ZNF507: variants seen among roughly 807,000 people sequenced by gnomAD.
The protein encoded by ZNF507 is zinc finger protein 507.
ZNF507 carries 29 observed loss-of-function variants against 80.0 expected under a neutral mutation model. The observed-to-expected ratio is 0.36, with a 90% CI of 0.27 to 0.49. The LOEUF is 0.49. Ranked by LOEUF, ZNF507 falls within the 20% of genes least tolerant of loss-of-function variation. ZNF507 has a pLI of 0.98. For synonymous variants in ZNF507, 462 were observed against 422.5 expected, an observed-to-expected ratio of 1.09 and a Z score of -1.15; for missense variants, 1,081 against 1,152.2, an observed-to-expected ratio of 0.94 and a Z score of 0.90.
At chr19:32,379,356 T>C (rs1363647774) in intron 5 of ZNF507, among the ~76,000 whole-genome samples, 1 of 152,226 alleles carries the variant, frequency 6.6e-6, no homozygotes, top group Non-Finnish European at 1.5e-5. Flanking sequence ...GATTTTGTTT[T>C]ATTATGCCAG....
At chr19:32,346,235 G>T (rs1599541505) in intron 1 of ZNF507, among the ~76,000 whole-genome samples, 2 of 152,234 alleles carry the variant, frequency 1.3e-5, no homozygotes, top group East Asian at 3.9e-4. Flanking sequence ...CAGAAACGCA[G>T]CCCTGGTCTT....
intron 5 of ZNF507, among the ~76,000 whole-genome samples, chr19:32,377,214 G>GT (rs1431569320): frequency 1.3e-5 from 2 of 152,140 alleles, no homozygotes; most frequent in African/African-American, 4.8e-5. Context: ...AGTAGCGAGT[G>GT]TTTTTCCTTG....
chr19:32,357,270 G>A (rs546859901), intron 4 of ZNF507: 1 of 152,162 alleles, frequency 6.6e-6, no homozygotes, highest in African/African-American at 2.4e-5. Context: ...CGAGTTTCTG[G>A]TAATAAGAAT....
chr19:32,360,584 C>T lies in ZNF507; in HGVS notation c.2326C>T (p.His776Tyr). 6.2e-7 allele frequency: 1 copy of T among 1,602,658 alleles called. No individual in the cohort carries two copies. Among genetic ancestry groups the T allele is most frequent in the Non-Finnish European group, 8.5e-7 (1 of 1,174,450 alleles). Residue 776 changes from histidine (H) to tyrosine (Y), a missense_variant, in exon 5 of 7, where the codon CAC (histidine) becomes TAC (tyrosine). Physicochemically the swap from His to Tyr is moderately conservative, Grantham distance 83. Around this residue, in one of 6 missense-constraint regions of ZNF507, gnomAD observed 40 missense variants for 52.4 expected, o/e 0.76. Coordinates refer to ENST00000355898, the MANE Select transcript of ZNF507 (RefSeq NM_001136156.2). ...TSTTYVGVRNHRRIHNSDKPY... is the reference protein window; with the variant it reads ...TSTTYVGVRNYRRIHNSDKPY... The stretch of plus-strand genomic sequence containing the variant: ...TACAACATATGTTGGTGTCAGAAAC[C>T]ACAGGCGAATCCATAACTCTGATAA...
At chr19:32,371,109 A>G (rs114445751) in intron 5 of ZNF507, among the ~76,000 whole-genome samples, 1,792 of 152,238 alleles carry the variant, frequency 0.012, 41 homozygotes, top group African/African-American at 0.039. Flanking sequence ...TGCCCTTACC[A>G]TACTGTCAAA....
chr19:32,358,022 A>C (rs560570241), intron 4 of ZNF507: 5 of 152,348 alleles, frequency 3.3e-5, no homozygotes, highest in Non-Finnish European at 7.3e-5. Flanking sequence ...TTCAGACTTT[A>C]CAGTATTAAT....
chr19:32,375,567 C>T (rs1334924004), intron 5 of ZNF507, among the ~76,000 whole-genome samples: 1 of 152,172 alleles, frequency 6.6e-6, no homozygotes, highest in Non-Finnish European at 1.5e-5. Flanking sequence ...AAGAGACTTA[C>T]CAACCAAATA....
chr19:32,370,701 A>G (rs1967459024), intron 5 of ZNF507, among the ~76,000 whole-genome samples: 1 of 151,730 alleles, frequency 6.6e-6, no homozygotes, highest in African/African-American at 2.4e-5. Context: ...CATTTTGTTG[A>G]TTGTTTTCTT....
At chr19:32,376,811 T>C (rs906312021) in intron 5 of ZNF507, among the ~76,000 whole-genome samples, 8 of 151,938 alleles carry the variant, frequency 5.3e-5, no homozygotes, top group African/African-American at 1.9e-4. Flanking sequence ...AGGGGCAGGG[T>C]AAGGAGTGTT....
chr19:32,371,708 C>T (rs893794001), intron 5 of ZNF507, among the ~76,000 whole-genome samples: 27 of 142,794 alleles, frequency 1.9e-4, no homozygotes, highest in Admixed American at 6.6e-4. Context: ...GGCGTGATTT[C>T]GGCTCACTGC....
chr19:32,365,636 C>G (rs1967388705), intron 5 of ZNF507, among the ~76,000 whole-genome samples: 1 of 151,930 alleles, frequency 6.6e-6, no homozygotes, highest in South Asian at 2.1e-4. Context: ...CTGGACCTGC[C>G]CTGATTTACA....
chr19:32,347,392 C>A (rs1345401913), intron 2 of ZNF507, 54 bp downstream of exon 2: 1 of 152,242 alleles, frequency 6.6e-6, no homozygotes, highest in Non-Finnish European at 1.5e-5. Context: ...CTGTATAACA[C>A]CCACCTAGCC....
chr19:32,382,936 G>A lies in ZNF507; in HGVS notation c.2715G>A (p.Glu905=). ...KISSLAPPSM[E]YCVLLFCCCI... The stretch of plus-strand genomic sequence containing the variant: ...CCAGTCTGGCCCCTCCTAGCATGGA[G>A]TACTGCGTTTTACTCTTCTGCTGTT... The change falls in exon 7 of 7, where the codon GAG becomes GAA. Residue 905 remains glutamate, a synonymous_variant. Coordinates refer to ENST00000355898, the MANE Select transcript of ZNF507 (RefSeq NM_001136156.2). 3 of 1,614,154 alleles carry A rather than the reference G, an allele frequency of 1.9e-6. No homozygotes were observed. Among genetic ancestry groups the A allele is most frequent in the Non-Finnish European group, 2.5e-6 (3 of 1,180,024 alleles).
chr19:32,372,356 AAGAG>A (rs1967485561), intron 5 of ZNF507, among the ~76,000 whole-genome samples: 1 of 152,202 alleles, frequency 6.6e-6, no homozygotes. Context: ...GGTTTAAATA[AAGAG>A]AGAGCGTTTG....
chr19:32,353,273 G>T lies in ZNF507; in HGVS notation c.443G>T (p.Gly148Val). The part of the protein sequence containing the change: ...SVLKDHIKQH[G>V]QQNEVILMCS... ...TTAAAAGATCATATTAAGCAACATG[G>T]TCAGCAAAATGAAGTGATACTGATG... The change falls in exon 3 of 7, where the codon GGT becomes GTT. Residue 148 changes from glycine (G) to valine (V), a missense_variant. By Grantham distance (109) the Gly-to-Val change is moderately radical. This residue lies in a region of ZNF507 where 275 missense variants were observed against 303.9 expected (regional missense o/e 0.90). Coordinates refer to ENST00000355898, the MANE Select transcript of ZNF507 (RefSeq NM_001136156.2). The T allele has an allele frequency of 6.2e-7, 1 of 1,614,168 alleles. No homozygotes were observed. The highest frequency in any genetic ancestry group is 8.5e-7 in the Non-Finnish European group (1 of 1,180,036).
rs574817341 is a variant in ZNF507, at chr19:32,350,582, A to G, written c.-2-2247A>G. Among the ~76,000 whole-genome samples, 3 of 152,236 alleles carry G rather than the reference A, an allele frequency of 2.0e-5. No individual in the cohort carries two copies. In the South Asian group the frequency reaches 6.2e-4, roughly 32 times the overall value. The stretch of plus-strand genomic sequence containing the variant: ...CACACTGAAATATCCACAGGGAGCA[A>G]TTTGCACTGGTCTGTGTCACTTCTC... On this transcript the variant is annotated intron_variant, in intron 2 of 6. Transcript: ENST00000355898.
At chr19:32,349,679 T>C (rs949676815) in intron 2 of ZNF507, among the ~76,000 whole-genome samples, 1 of 152,268 alleles carries the variant, frequency 6.6e-6, no homozygotes, top group Non-Finnish European at 1.5e-5. Flanking sequence ...ATTAGTGGTC[T>C]AAATAAAATT....
chr19:32,386,732 CTTCT>C lies in ZNF507; in HGVS notation c.*3652_*3655del, dbSNP rs1423284332. 3.3e-5 allele frequency: 5 copies of C among 152,496 alleles called. No homozygotes were observed. The highest frequency in any genetic ancestry group is 9.7e-5 in the African/African-American group (4 of 41,424). 9.4% of individuals were successfully genotyped at this position (152,496 alleles called of 1,614,324 possible). A position where few individuals can be genotyped will look rare whatever the true frequency, so the allele number is the denominator to read the frequency against. ...GAACAGTGAGGCAAGGTCTGTAGTG[CTTCT>C]TTAACTACCTTTGGAAATACTGTAC... is the stretch of plus-strand genomic sequence containing the variant. On this transcript the variant is annotated 3_prime_UTR_variant, in exon 7 of 7. Coordinates refer to ENST00000355898, the MANE Select transcript of ZNF507 (RefSeq NM_001136156.2).
intron 2 of ZNF507, among the ~76,000 whole-genome samples, chr19:32,349,948 C>G (rs143116725): frequency 6.6e-6 from 1 of 152,334 alleles, no homozygotes; most frequent in East Asian, 1.9e-4. Context: ...TGTGCTTACA[C>G]TGATCTCTTG....
Sources: allele counts gnomAD v4.1 joint callset (sites outside exome capture counted in the v4.1 genomes callset), GRCh38; gene constraint gnomAD v4.1.1; regional missense constraint gnomAD v4.1.1; transcripts MANE v1.5; gene names NCBI Gene and HGNC (gene_info 2026-07-23, HGNC 2026-07-21).